LMBRD2: variants seen among roughly 807,000 people sequenced by gnomAD.
The protein encoded by LMBRD2 is G protein-coupled receptor-associated protein LMBRD2.
Under a neutral mutation model 94.4 loss-of-function variants are expected in LMBRD2, and 55 were observed. The ratio of observed to expected loss-of-function variants is 0.58; its 90% CI spans 0.47 to 0.73. The LOEUF is 0.73. LMBRD2 is among the 30% of genes least tolerant of loss of function. The pLI is 0.00. For missense variants in LMBRD2, 640 were observed against 831.9 expected, an observed-to-expected ratio of 0.77 and a Z score of 2.84; for synonymous variants, 246 against 272.4, an observed-to-expected ratio of 0.90 and a Z score of 0.95.
At chr5:36,110,283 T>C (rs1743573685) in intron 14 of LMBRD2, among the ~76,000 whole-genome samples, 1 of 152,106 alleles carries the variant, frequency 6.6e-6, no homozygotes, top group Non-Finnish European at 1.5e-5. Context: ...TATTCTTTTA[T>C]TCCTGTCTTC....
chr5:36,124,174 C>T lies in LMBRD2; in HGVS notation c.822+17G>A. On this transcript the variant is annotated intron_variant, in intron 7 of 17. Transcript: ENST00000296603. ...AGTGTATATTTCAAAAGGAAACAGA[C>T]AAGATGATTTCATTACCTTTTTAAG... 2 of 1,412,432 alleles carry T rather than the reference C, an allele frequency of 1.4e-6. No homozygotes were observed. Among genetic ancestry groups the T allele is most frequent in the South Asian group, 2.4e-5 (2 of 82,928 alleles). 87.5% of individuals were successfully genotyped at this position (1,412,432 alleles called of 1,614,324 possible). A position where few individuals can be genotyped will look rare whatever the true frequency, so the allele number is the denominator to read the frequency against.
chr5:36,133,527 T>A (rs1744201635), intron 6 of LMBRD2, among the ~76,000 whole-genome samples: 1 of 152,026 alleles, frequency 6.6e-6, no homozygotes, highest in Non-Finnish European at 1.5e-5. Context: ...GAAAAATAAA[T>A]GCTTGAGGTG....
chr5:36,121,226 T>A (rs1743881114), intron 9 of LMBRD2, among the ~76,000 whole-genome samples: 1 of 152,188 alleles, frequency 6.6e-6, no homozygotes, highest in South Asian at 2.1e-4. Context: ...CAATAATACA[T>A]AGCACTAATG....
chr5:36,108,580 A>G lies in LMBRD2; in HGVS notation c.1851T>C (p.His617=). 1 of 1,597,786 alleles carries G rather than the reference A, an allele frequency of 6.3e-7. No individual in the cohort carries two copies. Among genetic ancestry groups the G allele is most frequent in the South Asian group, 1.1e-5 (1 of 88,864 alleles). Residue 617 remains histidine (H), a synonymous_variant, in exon 16 of 18, where the codon CAT becomes CAC. Coordinates refer to ENST00000296603, the MANE Select transcript of LMBRD2 (RefSeq NM_001007527.2). ...REDSTRNRNI[H]TDPKESNFSD... ...AGAAGTTTGACTCTTTGGGGTCAGT[A>G]TGAATATTTCTGTTCCTAGTGGAAT...
chr5:36,127,387 C>T (rs1345400278), intron 6 of LMBRD2, among the ~76,000 whole-genome samples: 1 of 152,158 alleles, frequency 6.6e-6, no homozygotes, highest in African/African-American at 2.4e-5. Context: ...ACTATCCACA[C>T]AAAAAAGTGC....
At chr5:36,124,726 T>C (rs1250791055) in intron 6 of LMBRD2, among the ~76,000 whole-genome samples, 1 of 152,134 alleles carries the variant, frequency 6.6e-6, no homozygotes, top group Non-Finnish European at 1.5e-5. Flanking sequence ...CAGTCATGAT[T>C]GATTAACTCC....
chr5:36,118,363 T>C (rs574072799), intron 9 of LMBRD2, among the ~76,000 whole-genome samples: 21 of 152,316 alleles, frequency 1.4e-4, no homozygotes, highest in African/African-American at 3.8e-4. Context: ...TTACAAAAAA[T>C]ATTATTGGGA....
intron 3 of LMBRD2, 61 bp downstream of exon 3, chr5:36,142,441 T>C: frequency 1.0e-6 from 1 of 959,472 alleles, no homozygotes. Context: ...GTAAAAACTT[T>C]CAATTTTTAA....
At chr5:36,104,182 A>G (rs1743411827) in intron 17 of LMBRD2, 76 bp from the exon 18 acceptor site, 2 of 1,138,838 alleles carry the variant, frequency 1.8e-6, no homozygotes, top group East Asian at 5.0e-5. Flanking sequence ...GAATACATTA[A>G]AAGGGAGTGG....
Position 36,151,354 on chromosome 5 carries a change from C to T in LMBRD2, c.-58+202G>A, listed in dbSNP as rs375225926. Among the ~76,000 whole-genome samples the T allele has an allele frequency of 6.6e-6, 1 of 152,220 alleles. No homozygotes were observed. The highest frequency in any genetic ancestry group is 6.5e-5 in the Admixed American group (1 of 15,286). On this transcript the variant is annotated intron_variant, in intron 1 of 17. Transcript: ENST00000296603. This position sits in a 1 kb window ranked among gnomAD's most constrained non-coding sequence, Gnocchi z 4.7. ...CGCAGCCTTCCCACCACACAGGACCCGCTGGGGTCTCCGGCTCCCCTAAAA... is the reference window on the plus strand; with the variant it reads ...CGCAGCCTTCCCACCACACAGGACCTGCTGGGGTCTCCGGCTCCCCTAAAA...
chr5:36,143,509 T>C (rs1412294867), intron 1 of LMBRD2, 103 bp from the exon 2 acceptor site: 1 of 466,014 alleles, frequency 2.1e-6, no homozygotes, highest in Non-Finnish European at 3.8e-6. Context: ...TAATCAACTC[T>C]TTGGAGAAAT....
intron 4 of LMBRD2, among the ~76,000 whole-genome samples, chr5:36,140,268 G>T (rs1744372428): frequency 6.6e-6 from 1 of 152,206 alleles, no homozygotes; most frequent in South Asian, 2.1e-4. Context: ...AGCGTGTCTG[G>T]CTGTGCTCAG....
intron 6 of LMBRD2, among the ~76,000 whole-genome samples, chr5:36,125,430 A>G (rs1032132039): frequency 6.6e-6 from 1 of 152,232 alleles, no homozygotes; most frequent in Non-Finnish European, 1.5e-5. Context: ...CAGACTCATT[A>G]TCCTTAATAT....
intron 6 of LMBRD2, 73 bp from the exon 7 acceptor site, chr5:36,124,338 G>T: frequency 1.2e-6 from 1 of 804,996 alleles, no homozygotes; most frequent in Non-Finnish European, 2.0e-6. Context: ...GAATGCATTA[G>T]GTACTATATA....
At chr5:36,125,759 A>G (rs1196177050) in intron 6 of LMBRD2, among the ~76,000 whole-genome samples, 1 of 152,216 alleles carries the variant, frequency 6.6e-6, no homozygotes, top group Non-Finnish European at 1.5e-5. Context: ...AGGAAAACAA[A>G]CATAAATAAA....
intron 9 of LMBRD2, among the ~76,000 whole-genome samples, chr5:36,118,423 A>T (rs917060190): frequency 6.6e-6 from 1 of 152,184 alleles, no homozygotes; most frequent in Non-Finnish European, 1.5e-5. Context: ...TAGAGTATAA[A>T]TATTAATTTT....
intron 1 of LMBRD2, among the ~76,000 whole-genome samples, chr5:36,150,786 T>C (rs905689905): frequency 3.3e-5 from 5 of 152,188 alleles, no homozygotes; most frequent in Admixed American, 2.0e-4. Context: ...GGTTCATGAA[T>C]TCCTTCCTCA....
intron 6 of LMBRD2, among the ~76,000 whole-genome samples, chr5:36,132,629 A>G (rs978422639): frequency 1.3e-5 from 2 of 150,392 alleles, no homozygotes; most frequent in South Asian, 2.1e-4. Flanking sequence ...AAATTTAATA[A>G]TAAGATTAAA....
At chr5:36,108,471 A>C in intron 16 of LMBRD2, 63 bp downstream of exon 16, 1 of 781,002 alleles carries the variant, frequency 1.3e-6, no homozygotes, top group Non-Finnish European at 2.1e-6. Flanking sequence ...TCTAACACTC[A>C]ATCTCTATGC....
Sources: allele counts gnomAD v4.1 joint callset (sites outside exome capture counted in the v4.1 genomes callset), GRCh38; gene constraint gnomAD v4.1.1; non-coding constraint Gnocchi (gnomAD v3.1); transcripts MANE v1.5; gene names NCBI Gene and HGNC (gene_info 2026-07-23, HGNC 2026-07-21).